ITPR2: variants seen among roughly 807,000 people sequenced by gnomAD.
ITPR2 encodes the protein inositol 1,4,5-trisphosphate-gated calcium channel ITPR2.
Under a neutral mutation model 317.1 loss-of-function variants are expected in ITPR2, and 207 were observed. The observed-to-expected ratio is 0.65, with a 90% CI of 0.58 to 0.73. The LOEUF (loss-of-function observed/expected upper bound fraction) is 0.73. ITPR2 is among the 30% of genes least tolerant of loss of function. The pLI is 0.00. For synonymous variants in ITPR2, 1,156 were observed against 1,149.1 expected, an observed-to-expected ratio of 1.01 and a Z score of -0.12; for missense variants, 2,613 against 3,284.0, an observed-to-expected ratio of 0.80 and a Z score of 4.99.
chr12:26,578,633 G>T, intron 34 of ITPR2, 80 bp downstream of exon 34: 1 of 1,266,970 alleles, frequency 7.9e-7, no homozygotes, highest in Non-Finnish European at 1.1e-6. Flanking sequence ...AAATTGGGAA[G>T]CTGCTTGTGT....
At chr12:26,772,098 C>T (rs960597987) in intron 2 of ITPR2, among the ~76,000 whole-genome samples, 1 of 151,930 alleles carries the variant, frequency 6.6e-6, no homozygotes, top group Non-Finnish European at 1.5e-5. Context: ...GCACTTTCAT[C>T]TCAGTATTAT....
At chr12:26,622,147 T>C in intron 25 of ITPR2, 93 bp downstream of exon 25, 1 of 1,099,220 alleles carries the variant, frequency 9.1e-7, no homozygotes, top group Non-Finnish European at 1.3e-6. Flanking sequence ...AGCCACACAG[T>C]GTCATTACCT....
chr12:26,697,115 A>C (rs1466389852), intron 9 of ITPR2, among the ~76,000 whole-genome samples: 2 of 152,194 alleles, frequency 1.3e-5, no homozygotes, highest in Non-Finnish European at 2.9e-5. Context: ...AGTCCATAGA[A>C]TCCATAGAGT....
chr12:26,725,301 T>C (rs1485027249), intron 3 of ITPR2, among the ~76,000 whole-genome samples: 1 of 152,190 alleles, frequency 6.6e-6, no homozygotes, highest in Non-Finnish European at 1.5e-5. Flanking sequence ...TTTCAATTAT[T>C]TTTCTCCATA....
intron 55 of ITPR2, among the ~76,000 whole-genome samples, chr12:26,381,925 C>T (rs1421791398): frequency 5.9e-5 from 9 of 152,184 alleles, no homozygotes; most frequent in Admixed American, 2.0e-4. Flanking sequence ...TAATATACCT[C>T]AGCAAATGAA....
intron 37 of ITPR2, among the ~76,000 whole-genome samples, chr12:26,538,254 G>A (rs1324197243): frequency 6.6e-6 from 1 of 151,976 alleles, no homozygotes; most frequent in Non-Finnish European, 1.5e-5. Flanking sequence ...TAACAACAGA[G>A]TAAACCCCAT....
intron 43 of ITPR2, among the ~76,000 whole-genome samples, chr12:26,477,851 C>T (rs1253870438): frequency 6.6e-6 from 1 of 152,108 alleles, no homozygotes; most frequent in Admixed American, 6.5e-5. Flanking sequence ...TTTAACAGTG[C>T]TGGCATAGAA....
At chr12:26,344,774 C>T (rs1022962903) in intron 55 of ITPR2, among the ~76,000 whole-genome samples, 2 of 152,240 alleles carry the variant, frequency 1.3e-5, no homozygotes, top group Non-Finnish European at 2.9e-5. Flanking sequence ...AATTCTCGTG[C>T]TTATGGAACA....
At chr12:26,746,532 CAT>C (rs990633603) in intron 2 of ITPR2, among the ~76,000 whole-genome samples, 1 of 152,162 alleles carries the variant, frequency 6.6e-6, no homozygotes, top group Admixed American at 6.5e-5. Flanking sequence ...TCTCATGACT[CAT>C]GTCTTTCTCA....
chr12:26,479,864 A>G (rs1942506956), intron 43 of ITPR2, among the ~76,000 whole-genome samples: 1 of 152,206 alleles, frequency 6.6e-6, no homozygotes, highest in Admixed American at 6.5e-5. Context: ...ACATGGGCCC[A>G]GGAGTTCAAT....
At chr12:26,601,820 T>C (rs981851054) in intron 28 of ITPR2, among the ~76,000 whole-genome samples, 2 of 152,078 alleles carry the variant, frequency 1.3e-5, no homozygotes, top group African/African-American at 2.4e-5. Flanking sequence ...AAAGTGAACA[T>C]CATCAGTCAT....
intron 23 of ITPR2, 90 bp from the exon 24 acceptor site, chr12:26,624,446 T>A (rs2880875): frequency 1.2e-5 from 11 of 904,650 alleles, no homozygotes; most frequent in South Asian, 1.8e-5. Context: ...GTGAAAATAT[T>A]TTTGTCTTCA....
At chr12:26,784,474 C>T (rs1950171789) in intron 2 of ITPR2, among the ~76,000 whole-genome samples, 1 of 151,180 alleles carries the variant, frequency 6.6e-6, no homozygotes. Flanking sequence ...CCTCAGCCTG[C>T]CGGGTGCCTG....
At chr12:26,815,594 T>C (rs1376627237) in intron 1 of ITPR2, among the ~76,000 whole-genome samples, 1 of 152,144 alleles carries the variant, frequency 6.6e-6, no homozygotes, top group Non-Finnish European at 1.5e-5. Flanking sequence ...CTAAGGTTAT[T>C]ATTAATGTTG....
chr12:26,610,037 A>G (rs1196830136), intron 26 of ITPR2, among the ~76,000 whole-genome samples: 2 of 152,252 alleles, frequency 1.3e-5, no homozygotes, highest in Non-Finnish European at 2.9e-5. Context: ...GGAGACAAGA[A>G]AACAGATTCC....
chr12:26,602,630 C>T lies in ITPR2; in HGVS notation c.3539G>A (p.Arg1180Gln), dbSNP rs35862420. 6.0e-3 allele frequency: 9,592 copies of T among 1,608,954 alleles called. 47 individuals carry two copies. The highest frequency in any genetic ancestry group is 8.3e-3 in the Middle Eastern group (50 of 6,046). The stretch of plus-strand genomic sequence containing the variant: ...GTATCTGCCGACCTCCTTTACAATC[C>T]GGTAGTTATTGCTCTTGTTGCTGTC... ...QIDSNKSNNYRIVKEILIRLS... is the reference protein window; with the variant it reads ...QIDSNKSNNYQIVKEILIRLS... Residue 1180 changes from arginine to glutamine, a missense_variant, in exon 27 of 57, where the codon CGG becomes CAG. Physicochemically the swap from Arg to Gln is conservative, Grantham distance 43 (BLOSUM62 1). This residue lies in a region of ITPR2 where 817 missense variants were observed against 897.6 expected (regional missense o/e 0.91). Transcript: ENST00000381340.
chr12:26,726,273 A>G (rs1368692921), intron 2 of ITPR2, among the ~76,000 whole-genome samples: 1 of 152,202 alleles, frequency 6.6e-6, no homozygotes. Flanking sequence ...CTGAAAGACA[A>G]TATGATATGA....
At chr12:26,422,873 T>C (rs1163689517) in intron 49 of ITPR2, among the ~76,000 whole-genome samples, 1 of 152,216 alleles carries the variant, frequency 6.6e-6, no homozygotes, top group Non-Finnish European at 1.5e-5. Flanking sequence ...CATATTTTCA[T>C]CAACCATGTA....
chr12:26,728,681 G>A (rs1269465389), intron 2 of ITPR2, among the ~76,000 whole-genome samples: 1 of 152,112 alleles, frequency 6.6e-6, no homozygotes, highest in Non-Finnish European at 1.5e-5. Flanking sequence ...CATTTTGTCG[G>A]ATTCTAAATT....
Sources: gnomAD v4.1 joint callset for allele counts (sites outside exome capture counted in the v4.1 genomes callset) on GRCh38, gnomAD v4.1.1 for gene constraint, gnomAD v4.1.1 regional missense constraint, MANE v1.5 for transcripts, NCBI Gene and HGNC (gene_info 2026-07-23, HGNC 2026-07-21) for gene names.